The following TTLL12 variants were observed in gnomAD, a reference collection of about 807,000 sequenced individuals.
TTLL12 encodes the protein tubulin--tyrosine ligase-like protein 12.
Under a neutral mutation model 79.6 loss-of-function variants are expected in TTLL12, and 77 were observed. The ratio of observed to expected loss-of-function variants is 0.97; its 90% CI spans 0.81 to 1.17. The LOEUF (loss-of-function observed/expected upper bound fraction) is 1.17. TTLL12 is among the 50% of genes most tolerant of loss of function. TTLL12 has a pLI of 0.00. For missense variants in TTLL12, 969 were observed against 895.9 expected (o/e 1.08, Z -1.04); for synonymous variants, 437 against 376.1 (o/e 1.16, Z -1.87).
chr22:43,169,471 C>T (rs1931706785), intron 12 of TTLL12, 29 bp downstream of exon 12: 1 of 1,551,108 alleles, frequency 6.4e-7, no homozygotes, highest in Non-Finnish European at 8.7e-7. Context: ...GCCCCACCGG[C>T]CTGCGATGGT....
chr22:43,176,282 A>C (rs1297720995), intron 6 of TTLL12, 38 bp downstream of exon 6: 1 of 1,481,460 alleles, frequency 6.8e-7, no homozygotes, highest in East Asian at 2.3e-5. Flanking sequence ...GGGACTGCGG[A>C]CAAGTCCCAG....
rs959039107 is a variant in TTLL12 at position 43,172,507 on chromosome 22, G to T, written c.1389C>A (p.Asp463Glu). The T allele has an allele frequency of 1.9e-6, 3 of 1,613,940 alleles. No individual in the cohort carries two copies. The change falls in exon 10 of 14, where the codon GAC (aspartate) becomes GAA (glutamate). Residue 463 changes from aspartate to glutamate, a missense_variant. By Grantham distance (45) the Asp-to-Glu change is conservative. Transcript: ENST00000216129. The part of the protein sequence containing the change: ...IESPVLFLRE[D>E]VGKVKFDIRY... ...GGATGTCGAACTTGACCTTTCCCAC[G>T]TCTTCTCGAAGGAACAACACGGGAC...
intron 5 of TTLL12, among the ~76,000 whole-genome samples, chr22:43,179,264 T>C (rs963327364): frequency 6.6e-6 from 1 of 152,108 alleles, no homozygotes; most frequent in African/African-American, 2.4e-5. Flanking sequence ...ACGCGATGTG[T>C]GAACACAGGG....
chr22:43,182,622 C>T (rs1932086743), intron 2 of TTLL12, among the ~76,000 whole-genome samples: 1 of 152,210 alleles, frequency 6.6e-6, no homozygotes, highest in African/African-American at 2.4e-5. Context: ...TCCAATTTAG[C>T]AGGACCAGAG....
intron 1 of TTLL12, chr22:43,185,951 G>A (rs1238664231): frequency 2.0e-6 from 2 of 985,124 alleles, no homozygotes; most frequent in Admixed American, 6.1e-5. Context: ...GCATAAGGAG[G>A]TGCCACTCAC....
intron 2 of TTLL12, among the ~76,000 whole-genome samples, chr22:43,181,147 A>C (rs988074628): frequency 6.6e-6 from 1 of 152,134 alleles, no homozygotes; most frequent in Non-Finnish European, 1.5e-5. Context: ...TGTGATCCTG[A>C]GCAAGCACCT....
intron 6 of TTLL12, among the ~76,000 whole-genome samples, chr22:43,174,864 C>T (rs1037617747): frequency 6.6e-6 from 1 of 152,204 alleles, no homozygotes; most frequent in African/African-American, 2.4e-5. Flanking sequence ...CCACACCGTC[C>T]ACCTCACATT....
At chr22:43,177,766 C>T (rs1931952395) in intron 5 of TTLL12, among the ~76,000 whole-genome samples, 1 of 152,208 alleles carries the variant, frequency 6.6e-6, no homozygotes, top group East Asian at 1.9e-4. Flanking sequence ...AGACTTGAGG[C>T]CAGAGGCACC....
chr22:43,172,536 C>G lies in TTLL12; in HGVS notation c.1360G>C (p.Glu454Gln), dbSNP rs1258489023. 6.2e-7 allele frequency: 1 copy of G among 1,614,032 alleles called. No homozygotes were observed. The highest frequency in any genetic ancestry group is 2.2e-5 in the East Asian group (1 of 44,876). ...STPKVVSKYI[E>Q]SPVLFLREDV... Reference sequence around the variant, plus strand: ...TCTCGAAGGAACAACACGGGACTTTCGATGTACTTGGACACAACCTGGAGG... The same window carrying G: ...TCTCGAAGGAACAACACGGGACTTTGGATGTACTTGGACACAACCTGGAGG... The change falls in exon 10 of 14, where the codon GAA becomes CAA. Residue 454 changes from glutamate to glutamine, a missense_variant. Glu to Gln is a conservative substitution (Grantham distance 29). Coordinates refer to ENST00000216129, the MANE Select transcript of TTLL12 (RefSeq NM_015140.4).
chr22:43,169,332 G>A (rs1179618452), intron 12 of TTLL12, among the ~76,000 whole-genome samples, 168 bp downstream of exon 12: 2 of 152,214 alleles, frequency 1.3e-5, no homozygotes, highest in African/African-American at 4.8e-5. Flanking sequence ...AGGGTGGAAG[G>A]GAGGGGAGCC....
chr22:43,177,261 C>G (rs899007558), intron 5 of TTLL12, among the ~76,000 whole-genome samples: 1 of 151,874 alleles, frequency 6.6e-6, no homozygotes, highest in Non-Finnish European at 1.5e-5. Flanking sequence ...CCCAGCTACT[C>G]GGGAGGCTGA....
chr22:43,167,994 G>C lies in TTLL12; in HGVS notation c.*14C>G. On this transcript the variant is annotated 3_prime_UTR_variant, in exon 14 of 14. Transcript: ENST00000216129. ...AATCCTGCCCCAAGCACAGGTTTTG[G>C]GGACAGCGAGTGCCTAGACAAGGCA... The C allele has an allele frequency of 6.2e-7, 1 of 1,611,586 alleles. No individual in the cohort carries two copies. Among genetic ancestry groups the C allele is most frequent in the Non-Finnish European group, 8.5e-7 (1 of 1,178,296 alleles).
At chr22:43,171,308 C>T (rs1005239944) in intron 11 of TTLL12, among the ~76,000 whole-genome samples, 4 of 152,212 alleles carry the variant, frequency 2.6e-5, no homozygotes, top group African/African-American at 7.2e-5. Flanking sequence ...CCCCTGAGCT[C>T]CAGGTGCTCA....
In TTLL12 at chr22:43,168,930, T is replaced by C. The variant is rs1211319079; in HGVS notation, c.1645-18A>G. 2 of 1,604,170 alleles carry C rather than the reference T, an allele frequency of 1.2e-6. No individual in the cohort carries two copies. Among genetic ancestry groups the C allele is most frequent in the Admixed American group, 1.7e-5 (1 of 59,490 alleles). On this transcript the variant is annotated intron_variant, in intron 12 of 13. Transcript: ENST00000216129. ...ATCTCAGCCTGGGGACCGGGGAGCC[T>C]GAGTTACGAGGCCTGCTCAGAACAG... is the stretch of plus-strand genomic sequence containing the variant.
chr22:43,174,436 G>C (rs1375599678), intron 7 of TTLL12, 33 bp from the exon 8 acceptor site: 2 of 1,564,210 alleles, frequency 1.3e-6, no homozygotes, highest in South Asian at 2.4e-5. Context: ...CCAGCTCAAG[G>C]GGAGGCCGGC....
At chr22:43,184,395 C>T (rs955348241) in intron 1 of TTLL12, among the ~76,000 whole-genome samples, 3 of 152,206 alleles carry the variant, frequency 2.0e-5, no homozygotes, top group Non-Finnish European at 4.4e-5. Context: ...AGGTAAATTG[C>T]TCTGGGGCCT....
chr22:43,186,951 CGCAGCGCCGGGCCGT>C lies in TTLL12; in HGVS notation c.104_118del (p.His35_Leu39del), dbSNP rs1932200555. ...GTAACGTTCGGGGACCCCCGAAGCG[CGCAGCGCCGGGCCGT>C]GCAGCGCCGCGAACTCGGCCAAGGC... On this transcript the variant is annotated inframe_deletion, in exon 1 of 14. Coordinates refer to ENST00000216129, the MANE Select transcript of TTLL12 (RefSeq NM_015140.4). 5 of 1,365,692 alleles carry C rather than the reference CGCAGCGCCGGGCCGT, an allele frequency of 3.7e-6. No homozygotes were observed. Among genetic ancestry groups the C allele is most frequent in the East Asian group, 3.2e-5 (1 of 30,930 alleles). The allele number at this position is 1,365,692 out of a possible 1,614,324, so 84.6% of individuals were successfully genotyped here. A position where few individuals can be genotyped will look rare whatever the true frequency, so the allele number is the denominator to read the frequency against.
At chr22:43,169,697 C>T (rs2071727) in intron 11 of TTLL12, 129 bp from the exon 12 acceptor site, 140,879 of 905,488 alleles carry the variant, frequency 0.16, 12,063 homozygotes, top group East Asian at 0.23. Context: ...CAGCCAACCC[C>T]GAACCCTCAG....
chr22:43,185,297 A>ATG (rs1214842942), intron 1 of TTLL12, among the ~76,000 whole-genome samples: 9 of 106,150 alleles, frequency 8.5e-5, no homozygotes, highest in African/African-American at 2.7e-4. Flanking sequence ...ATATATATAT[A>ATG]TATGTATGTA....
Sources: gnomAD v4.1 joint callset for allele counts (sites outside exome capture counted in the v4.1 genomes callset) on GRCh38, gnomAD v4.1.1 for gene constraint, MANE v1.5 for transcripts, NCBI Gene and HGNC (gene_info 2026-07-23, HGNC 2026-07-21) for gene names.